SEMA6D: variants seen among roughly 807,000 people sequenced by gnomAD.
SEMA6D encodes semaphorin-6D.
In SEMA6D, 35 loss-of-function variants were observed where a neutral mutation model predicts 106.6. The observed-to-expected ratio is 0.33, with a 90% CI of 0.25 to 0.44. The LOEUF is 0.44. SEMA6D is among the 20% of genes least tolerant of loss of function. The pLI, the probability that SEMA6D is intolerant of heterozygous loss-of-function variation, is 1.00. For missense variants in SEMA6D, 1,185 were observed against 1,345.9 expected (o/e 0.88, Z 1.87); for synonymous variants, 499 against 487.7 (o/e 1.02, Z -0.31).
At chr15:47,747,703 G>A (rs2081220993) in intron 1 of SEMA6D, among the ~76,000 whole-genome samples, 1 of 151,918 alleles carries the variant, frequency 6.6e-6, no homozygotes, top group Non-Finnish European at 1.5e-5. Flanking sequence ...TTTCTCTTCT[G>A]TCAGAATCCA....
At chr15:47,764,576 G>A in intron 11 of SEMA6D, 62 bp from the exon 12 acceptor site, 1 of 1,591,968 alleles carries the variant, frequency 6.3e-7, no homozygotes, top group Non-Finnish European at 8.6e-7. Flanking sequence ...TTATTCCTTA[G>A]ATACAGTACA....
At chr15:47,427,414 A>G (rs1332099309) in intron 2 of SEMA6D, among the ~76,000 whole-genome samples, 1 of 152,154 alleles carries the variant, frequency 6.6e-6, no homozygotes, top group Non-Finnish European at 1.5e-5. Context: ...GCTGAGAAAT[A>G]TTACATTTTA....
At chr15:47,674,827 G>C (rs1027911867) in intron 4 of SEMA6D, among the ~76,000 whole-genome samples, 2 of 152,142 alleles carry the variant, frequency 1.3e-5, no homozygotes, top group African/African-American at 4.8e-5. Context: ...CCATTTTGCA[G>C]CTGCCCCTTT....
chr15:47,700,557 GTAAA>G (rs2078789982), intron 4 of SEMA6D, among the ~76,000 whole-genome samples: 1 of 152,036 alleles, frequency 6.6e-6, no homozygotes, highest in East Asian at 1.9e-4. Flanking sequence ...TAAATAATAA[GTAAA>G]TAAATAATTT....
At chr15:47,698,135 A>G (rs1254827694) in intron 4 of SEMA6D, among the ~76,000 whole-genome samples, 1 of 152,210 alleles carries the variant, frequency 6.6e-6, no homozygotes. Context: ...TTATTAAAAT[A>G]TGAGTTTAGG....
intron 1 of SEMA6D, among the ~76,000 whole-genome samples, chr15:47,344,571 T>G (rs1003866295): frequency 6.6e-6 from 1 of 152,102 alleles, no homozygotes; most frequent in Non-Finnish European, 1.5e-5. Context: ...ACTGAGAGTC[T>G]GAGAAGACCA....
At chr15:47,637,225 A>C (rs1196655842) in intron 4 of SEMA6D, among the ~76,000 whole-genome samples, 1 of 152,184 alleles carries the variant, frequency 6.6e-6, no homozygotes, top group Non-Finnish European at 1.5e-5. Flanking sequence ...AGGAGACCTC[A>C]ACTTATACTC....
chr15:47,190,840 T>A (rs1386386365), intron 1 of SEMA6D, among the ~76,000 whole-genome samples: 1 of 152,266 alleles, frequency 6.6e-6, no homozygotes, highest in South Asian at 2.1e-4. Flanking sequence ...AAAAAGAAAC[T>A]CTCTTTTTGA....
At chr15:47,236,778 A>C (rs1438342904) in intron 1 of SEMA6D, among the ~76,000 whole-genome samples, 1 of 152,190 alleles carries the variant, frequency 6.6e-6, no homozygotes, top group Non-Finnish European at 1.5e-5. Context: ...ATATCAGCTA[A>C]CATTTCCTTT....
chr15:47,424,419 A>T (rs529793818), intron 2 of SEMA6D, among the ~76,000 whole-genome samples: 1 of 152,144 alleles, frequency 6.6e-6, no homozygotes, highest in Admixed American at 6.6e-5. Context: ...TAGATCAGTT[A>T]TGATGAAATA....
At chr15:47,552,842 A>AT in intron 3 of SEMA6D, among the ~76,000 whole-genome samples, 2 of 37,492 alleles carry the variant, frequency 5.3e-5, no homozygotes, top group Non-Finnish European at 8.9e-5. Context: ...ATATATATAT[A>AT]AATATATATA....
chr15:47,689,949 CG>C (rs2078550245), intron 4 of SEMA6D, among the ~76,000 whole-genome samples: 1 of 152,166 alleles, frequency 6.6e-6, no homozygotes. Flanking sequence ...AGATTTGCTA[CG>C]GGTGGGGAAA....
At chr15:47,256,445 A>G (rs761082592) in intron 1 of SEMA6D, among the ~76,000 whole-genome samples, 3 of 152,176 alleles carry the variant, frequency 2.0e-5, no homozygotes, top group African/African-American at 4.8e-5. Flanking sequence ...CTTATGTACT[A>G]TATATTCTTT....
chr15:47,253,368 C>A (rs2033626002), intron 1 of SEMA6D, among the ~76,000 whole-genome samples: 1 of 152,014 alleles, frequency 6.6e-6, no homozygotes, highest in Non-Finnish European at 1.5e-5. Context: ...TTGATGTAAT[C>A]CCATTTGTCT....
At chr15:47,453,720 T>C (rs183833362) in intron 2 of SEMA6D, among the ~76,000 whole-genome samples, 7 of 152,070 alleles carry the variant, frequency 4.6e-5, no homozygotes, top group African/African-American at 1.7e-4. Context: ...CCACTTCTAA[T>C]AGCTCTTTTC....
chr15:47,561,895 A>G (rs2046092311), intron 3 of SEMA6D, among the ~76,000 whole-genome samples: 1 of 151,946 alleles, frequency 6.6e-6, no homozygotes, highest in Non-Finnish European at 1.5e-5. Context: ...TCTAAACTAT[A>G]TGGTGCTAAG....
chr15:47,292,514 C>T (rs1276752364), intron 1 of SEMA6D, among the ~76,000 whole-genome samples: 1 of 151,934 alleles, frequency 6.6e-6, no homozygotes, highest in Non-Finnish European at 1.5e-5. Flanking sequence ...GTTTTTAAAA[C>T]AATGATTGCA....
At chr15:47,647,124 G>A (rs915753880) in intron 4 of SEMA6D, among the ~76,000 whole-genome samples, 1 of 152,176 alleles carries the variant, frequency 6.6e-6, no homozygotes, top group Non-Finnish European at 1.5e-5. Context: ...AAGCAACATA[G>A]TTTGGCTATG....
chr15:47,769,302 A>C (rs1226217293), intron 18 of SEMA6D, among the ~76,000 whole-genome samples: 2 of 152,158 alleles, frequency 1.3e-5, no homozygotes, highest in East Asian at 1.9e-4. Context: ...TAGCTTATTA[A>C]ATATATTACT....
Sources: gnomAD v4.1 joint callset for allele counts (sites outside exome capture counted in the v4.1 genomes callset) on GRCh38, gnomAD v4.1.1 for gene constraint, MANE v1.5 for transcripts, NCBI Gene and HGNC (gene_info 2026-07-23, HGNC 2026-07-21) for gene names.